PLA2G6: variants seen among roughly 807,000 people sequenced by gnomAD.
PLA2G6 encodes the protein 85/88 kDa calcium-independent phospholipase A2.
Under a neutral mutation model 83.8 loss-of-function variants are expected in PLA2G6, and 62 were observed. That is an observed-to-expected ratio of 0.74 (90% CI 0.60 to 0.91). The LOEUF (loss-of-function observed/expected upper bound fraction) is 0.91, where lower values mean the gene tolerates loss of function less well. Ranked by LOEUF, PLA2G6 falls within the 40% of genes least tolerant of loss-of-function variation. The pLI, the probability that PLA2G6 is intolerant of heterozygous loss-of-function variation, is 0.00. For missense variants in PLA2G6, 944 were observed against 1,102.0 expected, an observed-to-expected ratio of 0.86 and a Z score of 2.03; for synonymous variants, 417 against 449.8, an observed-to-expected ratio of 0.93 and a Z score of 0.92.
At chr22:38,134,036 T>C (rs973365556) in intron 6 of PLA2G6, 1 of 152,158 alleles carries the variant, frequency 6.6e-6, no homozygotes, top group African/African-American at 2.4e-5. Flanking sequence ...GTGGGCACCA[T>C]CTAATCAGCT....
rs1298080538 is a variant in PLA2G6, at chr22:38,132,646, T to C, written c.1077+185A>G. 1 of 613,644 alleles carries C rather than the reference T, an allele frequency of 1.6e-6. No individual in the cohort carries two copies. Among genetic ancestry groups the C allele is most frequent in the East Asian group, 2.8e-5 (1 of 36,126 alleles). The allele number at this position is 613,644 out of a possible 1,614,324, so 38.0% of individuals were successfully genotyped here. ...CACAGGAGGTGGTGTTATTTTGGGC[T>C]GAGAGGGGGACTTGGAAGGCTTCCT... On this transcript the variant is annotated intron_variant, in intron 7 of 16. Transcript: ENST00000332509. This position sits in a 1 kb window ranked among gnomAD's most constrained non-coding sequence, Gnocchi z 5.0.
chr22:38,115,739 C>A, intron 13 of PLA2G6, 58 bp from the exon 14 acceptor site: 1 of 1,544,614 alleles, frequency 6.5e-7, no homozygotes, highest in Non-Finnish European at 8.7e-7. Flanking sequence ...AAAACCCATG[C>A]ACTCCAGATC....
chr22:38,129,453 C>T lies in PLA2G6; in HGVS notation c.1186+1G>A, dbSNP rs761815070. On this transcript the variant is annotated splice_donor_variant, in intron 8 of 16. Coordinates refer to ENST00000332509, the MANE Select transcript of PLA2G6 (RefSeq NM_003560.4). LOFTEE classifies it high-confidence loss of function. ...CCAGCCCCAGAGTGCAGAGCACATA[C>T]GTCTGCCGATTTTGGAGGCTAGGAA... 3.8e-6 allele frequency: 6 copies of T among 1,598,178 alleles called. No individual in the cohort carries two copies. Among genetic ancestry groups the T allele is most frequent in the African/African-American group, 1.3e-5 (1 of 74,698 alleles).
chr22:38,112,677 C>T lies in PLA2G6; in HGVS notation c.2203-100G>A, dbSNP rs959968125. On this transcript the variant is annotated intron_variant, in intron 15 of 16. Transcript: ENST00000332509. ...ACTCTCGGAGCCCCAGCCTGGGGAG[C>T]CCCAGGCTCTTTCGAGTCAGGCTGA... 1.4e-5 allele frequency: 14 copies of T among 1,026,130 alleles called. No individual in the cohort carries two copies. In the African/African-American group the frequency reaches 2.1e-4, roughly 15 times the overall value. The allele number at this position is 1,026,130 out of a possible 1,614,324, so 63.6% of individuals were successfully genotyped here. A position where few individuals can be genotyped will look rare whatever the true frequency, so the allele number is the denominator to read the frequency against.
chr22:38,162,510 G>A (rs1350853572), intron 2 of PLA2G6, among the ~76,000 whole-genome samples: 3 of 152,154 alleles, frequency 2.0e-5, no homozygotes, highest in Admixed American at 1.3e-4. Context: ...TAGAGGGAAT[G>A]AACTGGAAAG....
intron 1 of PLA2G6, among the ~76,000 whole-genome samples, chr22:38,170,200 A>AG (rs1313941349): frequency 4.2e-4 from 50 of 119,096 alleles, no homozygotes; most frequent in African/African-American, 1.6e-3. Flanking sequence ...TGTCTCAAAA[A>AG]AAAAAAAAAA....
chr22:38,148,614 GC>G (rs1306891350), intron 2 of PLA2G6: 2 of 711,724 alleles, frequency 2.8e-6, no homozygotes, highest in East Asian at 5.4e-5. Flanking sequence ...AGGGACTGGA[GC>G]CCAGGCGTCT....
intron 2 of PLA2G6, among the ~76,000 whole-genome samples, chr22:38,154,160 G>C (rs1474779160): frequency 6.6e-6 from 1 of 152,222 alleles, no homozygotes; most frequent in East Asian, 1.9e-4. Context: ...TTCCCAGGAT[G>C]GGGGTAGGGG....
intron 2 of PLA2G6, among the ~76,000 whole-genome samples, chr22:38,162,023 G>A (rs981802815): frequency 6.6e-6 from 1 of 151,950 alleles, no homozygotes; most frequent in Non-Finnish European, 1.5e-5. Context: ...TGGCCACCAT[G>A]GCAAAACCCT....
At position 38,115,635 on chromosome 22, in the gene PLA2G6, A is replaced by C. The variant is rs533490649; in HGVS notation, c.1926T>G (p.Thr642=). Residue 642 remains threonine, a synonymous_variant, in exon 14 of 17, where the codon ACT becomes ACG. Transcript: ENST00000332509. ...GGAAGCGCCCATTGGGTCGGAAGTA[A>C]GTAGGAGCTGCCCCGCTGCTTCGGG... is the stretch of plus-strand genomic sequence containing the variant. ...RAARSSGAAP[T]YFRPNGRFLD... The C allele has an allele frequency of 6.2e-6, 10 of 1,602,648 alleles. No individual in the cohort carries two copies. The highest frequency in any genetic ancestry group is 8.5e-6 in the Non-Finnish European group (10 of 1,175,518).
chr22:38,158,170 C>CTTT (rs558539609), intron 2 of PLA2G6, among the ~76,000 whole-genome samples: 1 of 136,500 alleles, frequency 7.3e-6, no homozygotes. Flanking sequence ...TTTTTCTTTT[C>CTTT]TTTTTTTTTT....
intron 4 of PLA2G6, chr22:38,141,852 G>A (rs1254427450): frequency 6.6e-6 from 1 of 152,130 alleles, no homozygotes; most frequent in East Asian, 1.9e-4. Context: ...GAGTTCAACA[G>A]TGGGTGGAGA....
At chr22:38,119,458 G>A (rs574814641) in intron 12 of PLA2G6, among the ~76,000 whole-genome samples, 1 of 152,286 alleles carries the variant, frequency 6.6e-6, no homozygotes, top group Non-Finnish European at 1.5e-5. Context: ...AATGTAAAAG[G>A]CAGATCTAGA....
At chr22:38,143,011 G>T in intron 4 of PLA2G6, 94 bp downstream of exon 4, 1 of 1,150,074 alleles carries the variant, frequency 8.7e-7, no homozygotes, top group Non-Finnish European at 1.3e-6. Flanking sequence ...GACAGTGAGA[G>T]GCCTGAGAGT....
At chr22:38,171,519 C>G (rs891262336) in intron 1 of PLA2G6, among the ~76,000 whole-genome samples, 1 of 151,910 alleles carries the variant, frequency 6.6e-6, no homozygotes, top group African/African-American at 2.4e-5. Context: ...GTAATTTCTT[C>G]CAAACAATTT....
intron 1 of PLA2G6, among the ~76,000 whole-genome samples, chr22:38,174,967 C>A (rs917841507): frequency 6.6e-6 from 1 of 152,102 alleles, no homozygotes; most frequent in Non-Finnish European, 1.5e-5. Flanking sequence ...TGGCTCAGAG[C>A]GGGTGGTGAG....
At chr22:38,148,961 G>A (rs2089421856) in intron 2 of PLA2G6, 1 of 163,378 alleles carries the variant, frequency 6.1e-6, no homozygotes, top group African/African-American at 2.5e-5. Flanking sequence ...CTGCCTCCTG[G>A]TTCAAGTGAT....
At chr22:38,117,409 G>A (rs1280644926) in intron 12 of PLA2G6, among the ~76,000 whole-genome samples, 1 of 151,662 alleles carries the variant, frequency 6.6e-6, no homozygotes, top group Non-Finnish European at 1.5e-5. Context: ...GGGTTTCACT[G>A]TGGTCTTGAT....
chr22:38,169,076 G>A (rs929275588), intron 2 of PLA2G6, 142 bp downstream of exon 2: 10 of 719,422 alleles, frequency 1.4e-5, no homozygotes, highest in African/African-American at 1.2e-4. Flanking sequence ...TGGTCCAAGA[G>A]TACAGTCTCC....
Sources: gnomAD v4.1 joint callset for allele counts (sites outside exome capture counted in the v4.1 genomes callset) on GRCh38, gnomAD v4.1.1 for gene constraint, Gnocchi (gnomAD v3.1) non-coding constraint, MANE v1.5 for transcripts, NCBI Gene and HGNC (gene_info 2026-07-23, HGNC 2026-07-21) for gene names.